Variants in FRYL observed in about 807,000 individuals in gnomAD.
FRYL encodes the protein FRY like transcription coactivator.
Under a neutral mutation model 351.2 loss-of-function variants are expected in FRYL, and 150 were observed. The ratio of observed to expected loss-of-function variants is 0.43; its 90% CI spans 0.37 to 0.49. FRYL has a LOEUF of 0.49. Ranked by LOEUF, FRYL falls within the 20% of genes least tolerant of loss-of-function variation. The probability of loss-of-function intolerance (pLI) is 0.00; values close to 1 mark genes in which losing one functional copy is unlikely to be tolerated. For synonymous variants in FRYL, 1,153 were observed against 1,257.1 expected (o/e 0.92, Z 1.75); for missense variants, 3,036 against 3,619.3 (o/e 0.84, Z 4.13).
intron 2 of FRYL, among the ~76,000 whole-genome samples, chr4:48,685,350 C>T (rs892288672): frequency 2.0e-5 from 3 of 152,130 alleles, no homozygotes; most frequent in African/African-American, 7.2e-5. Context: ...TCCATACAGG[C>T]AATTGTGACC....
At chr4:48,527,930 T>C (rs1400813371) in intron 52 of FRYL, 41 bp downstream of exon 52, 12 of 1,413,308 alleles carry the variant, frequency 8.5e-6, no homozygotes, top group Non-Finnish European at 1.2e-5. Flanking sequence ...AGGAATAACA[T>C]GATCTTTAAG....
At chr4:48,740,724 T>C (rs1270233028) in intron 1 of FRYL, among the ~76,000 whole-genome samples, 1 of 152,106 alleles carries the variant, frequency 6.6e-6, no homozygotes, top group Non-Finnish European at 1.5e-5. Context: ...GAAATACCAC[T>C]ACCCACTTAG....
intron 1 of FRYL, among the ~76,000 whole-genome samples, chr4:48,731,153 T>C (rs1372669549): frequency 6.6e-6 from 1 of 152,014 alleles, no homozygotes; most frequent in African/African-American, 2.4e-5. Context: ...AAGAGATCAA[T>C]TCAACAAGAA....
At chr4:48,721,342 C>T (rs965770644) in intron 1 of FRYL, among the ~76,000 whole-genome samples, 4 of 151,146 alleles carry the variant, frequency 2.6e-5, no homozygotes, top group Non-Finnish European at 4.4e-5. Context: ...CACATGTGCA[C>T]ACTATATGTA....
intron 3 of FRYL, among the ~76,000 whole-genome samples, chr4:48,676,926 A>T (rs574213772): frequency 6.6e-6 from 1 of 152,394 alleles, no homozygotes; most frequent in Admixed American, 6.5e-5. Context: ...AATCACAATA[A>T]GTATAACTGG....
At position 48,605,802 on chromosome 4, in the gene FRYL, T is replaced by G; in HGVS notation, c.773A>C (p.Asp258Ala). 6.2e-7 allele frequency: 1 copy of G among 1,605,214 alleles called. No homozygotes were observed. Among genetic ancestry groups the G allele is most frequent in the African/African-American group, 1.3e-5 (1 of 74,790 alleles). The change falls in exon 11 of 64, where the codon GAT (aspartate) becomes GCT (alanine). Residue 258 changes from aspartate (D) to alanine (A), a missense_variant. Asp to Ala is a moderately radical substitution (Grantham distance 126). This residue lies in a region of FRYL where 457 missense variants were observed against 566.6 expected (regional missense o/e 0.81). Coordinates refer to ENST00000358350, the MANE Select transcript of FRYL (RefSeq NM_015030.2). ...ECAQYFLEVKDKDIKHALAGL... is the reference protein window; with the variant it reads ...ECAQYFLEVKAKDIKHALAGL... Reference sequence around the variant, plus strand: ...AGCAAGTGCATGTTTTATATCTTTATCTTTCACTTCTAAGAAATACTGAGC... The same window carrying G: ...AGCAAGTGCATGTTTTATATCTTTAGCTTTCACTTCTAAGAAATACTGAGC...
intron 2 of FRYL, among the ~76,000 whole-genome samples, chr4:48,699,555 T>C (rs571154935): frequency 6.6e-6 from 1 of 152,332 alleles, no homozygotes; most frequent in South Asian, 2.1e-4. Flanking sequence ...TAATCTAAAA[T>C]ACATGCTTCT....
At chr4:48,512,378 A>G in intron 57 of FRYL, 103 bp downstream of exon 57, 7 of 944,764 alleles carry the variant, frequency 7.4e-6, no homozygotes, top group Non-Finnish European at 1.1e-5. Context: ...AATTTGTTAA[A>G]ACTGGTAGGA....
intron 44 of FRYL, 68 bp from the exon 45 acceptor site, chr4:48,542,189 A>G (rs1730333558): frequency 2.9e-6 from 3 of 1,046,428 alleles, no homozygotes; most frequent in Non-Finnish European, 3.0e-6. Context: ...GGACTTCCTA[A>G]TGGGATTTTA....
At chr4:48,619,568 CAATG>C (rs1355081925) in intron 6 of FRYL, among the ~76,000 whole-genome samples, 198 bp from the exon 7 acceptor site, 1 of 152,124 alleles carries the variant, frequency 6.6e-6, no homozygotes, top group African/African-American at 2.4e-5. Context: ...GGCTGGAGTG[CAATG>C]CTGCAAACAT....
At chr4:48,633,236 G>A (rs1753607444) in intron 4 of FRYL, among the ~76,000 whole-genome samples, 1 of 152,028 alleles carries the variant, frequency 6.6e-6, no homozygotes, top group South Asian at 2.1e-4. Flanking sequence ...ATATCAAGAA[G>A]GTAAAACTGT....
rs1725238673 is a variant in FRYL at position 48,523,009 on chromosome 4, G to A, written c.7413C>T (p.Cys2471=). ...GDTPSLQEYQ[C]SSSTPSLNLT... is the part of the protein sequence containing the mutation. ...GGTTCAGGCTGGGGGTGCTACTAGA[G>A]CACTGGTACTCCTGGAGGGATGGAG... The change falls in exon 54 of 64, where the codon TGC becomes TGT. Residue 2471 remains cysteine, a synonymous_variant. Coordinates refer to ENST00000358350, the MANE Select transcript of FRYL (RefSeq NM_015030.2). The A allele has an allele frequency of 6.2e-7, 1 of 1,613,688 alleles. No individual in the cohort carries two copies. Among genetic ancestry groups the A allele is most frequent in the East Asian group, 2.2e-5 (1 of 44,868 alleles).
chr4:48,499,395 GTTT>G lies in FRYL; in HGVS notation c.*24_*26del. 1 of 1,606,218 alleles carries G rather than the reference GTTT, an allele frequency of 6.2e-7. No homozygotes were observed. Among genetic ancestry groups the G allele is most frequent in the Admixed American group, 1.7e-5 (1 of 59,758 alleles). Reference sequence around the variant, plus strand: ...AATATTCTTCATCATCTTCAGTTTAGTTTCTTTCCTAAAGGCCTGAAGTGTCTC... The same window carrying G: ...AATATTCTTCATCATCTTCAGTTTAGCTTTCCTAAAGGCCTGAAGTGTCTC... On this transcript the variant is annotated 3_prime_UTR_variant, in exon 64 of 64. Coordinates refer to ENST00000358350, the MANE Select transcript of FRYL (RefSeq NM_015030.2).
intron 1 of FRYL, among the ~76,000 whole-genome samples, chr4:48,764,723 T>G (rs965488900): frequency 1.3e-5 from 2 of 152,136 alleles, no homozygotes; most frequent in Non-Finnish European, 2.9e-5. Context: ...TAGAAAAATA[T>G]CCCATGTTCA....
At chr4:48,770,272 T>C (rs1294679302) in intron 1 of FRYL, among the ~76,000 whole-genome samples, 1 of 151,088 alleles carries the variant, frequency 6.6e-6, no homozygotes, top group African/African-American at 2.4e-5. Flanking sequence ...CTTCAAAATT[T>C]AAAAAAAAAT....
chr4:48,721,787 C>T (rs1308251287), intron 1 of FRYL, among the ~76,000 whole-genome samples: 1 of 152,054 alleles, frequency 6.6e-6, no homozygotes, highest in African/African-American at 2.4e-5. Flanking sequence ...ATTACAGGCA[C>T]CCGCCACCAC....
intron 21 of FRYL, 136 bp downstream of exon 21, chr4:48,581,284 G>A (rs373697803): frequency 1.2e-5 from 8 of 656,664 alleles, no homozygotes; most frequent in Admixed American, 3.4e-5. Context: ...TGATCCGCCC[G>A]ACTCGGCCTC....
chr4:48,590,424 C>A (rs930655660), intron 17 of FRYL, among the ~76,000 whole-genome samples: 4 of 152,122 alleles, frequency 2.6e-5, no homozygotes, highest in Admixed American at 2.0e-4. Flanking sequence ...GTAGAGCTTA[C>A]AGTCAGCCAA....
chr4:48,667,820 A>G (rs1408948190), intron 3 of FRYL, among the ~76,000 whole-genome samples: 3 of 152,030 alleles, frequency 2.0e-5, no homozygotes, highest in African/African-American at 7.2e-5. Flanking sequence ...GCTAATTTTT[A>G]TATTTTTAGT....
Sources: allele counts gnomAD v4.1 joint callset (sites outside exome capture counted in the v4.1 genomes callset), GRCh38; gene constraint gnomAD v4.1.1; regional missense constraint gnomAD v4.1.1; transcripts MANE v1.5; gene names NCBI Gene and HGNC (gene_info 2026-07-23, HGNC 2026-07-21).